PPP4R3B: variants seen among roughly 807,000 people sequenced by gnomAD.
PPP4R3B encodes the protein protein phosphatase 4 regulatory subunit 3B, also known as serine/threonine-protein phosphatase 4 regulatory subunit 3B.
PPP4R3B carries 52 observed loss-of-function variants against 95.4 expected under a neutral mutation model. The ratio of observed to expected loss-of-function variants is 0.54; its 90% CI spans 0.44 to 0.69. PPP4R3B has a LOEUF of 0.69. PPP4R3B is among the 30% of genes least tolerant of loss of function. PPP4R3B has a pLI of 0.00. For missense variants in PPP4R3B, 1,003 were observed against 1,005.9 expected, an observed-to-expected ratio of 1.00 and a Z score of 0.04; for synonymous variants, 407 against 343.9, an observed-to-expected ratio of 1.18 and a Z score of -2.03.
At position 55,548,724 on chromosome 2, in the gene PPP4R3B, G is replaced by T. The variant is rs1442869368; in HGVS notation, c.*1187C>A. 6.6e-6 allele frequency: 1 copy of T among 152,586 alleles called. No individual in the cohort carries two copies. Among genetic ancestry groups the T allele is most frequent in the Non-Finnish European group, 1.5e-5 (1 of 68,028 alleles). The allele number at this position is 152,586 out of a possible 1,614,324, so 9.5% of individuals were successfully genotyped here. On this transcript the variant is annotated 3_prime_UTR_variant, in exon 17 of 17. Transcript: ENST00000616407. ...CCAATGCATTAAATTGTATTTTGGG[G>T]AGATTTTTCTCACTTCGGCATGATC...
chr2:55,559,698 CA>C (rs1686346223), intron 15 of PPP4R3B, among the ~76,000 whole-genome samples: 1 of 152,192 alleles, frequency 6.6e-6, no homozygotes, highest in Non-Finnish European at 1.5e-5. Flanking sequence ...GAGGCCTCCC[CA>C]GCTATGTGGA....
At chr2:55,572,527 T>G (rs771326650) in intron 12 of PPP4R3B, among the ~76,000 whole-genome samples, 14 of 152,184 alleles carry the variant, frequency 9.2e-5, no homozygotes, top group Non-Finnish European at 1.8e-4. Flanking sequence ...AGATACCACA[T>G]TTTTCAGTAT....
chr2:55,598,771 T>G lies in PPP4R3B; in HGVS notation c.566A>C (p.Glu189Ala), dbSNP rs199813494. The change falls in exon 4 of 17, where the codon GAA becomes GCA. Residue 189 changes from glutamate (E) to alanine (A), a missense_variant. Transcript: ENST00000616407. ...AATTTCATACAAATGGTGTAAGCCT[T>G]CAGTGTTTTCTAGGTTCTCGCAAGC... ...FQACENLENT[E>A]GLHHLYEIIR... is the part of the protein sequence containing the mutation. The G allele has an allele frequency of 6.2e-7, 1 of 1,614,244 alleles. No individual in the cohort carries two copies. The highest frequency in any genetic ancestry group is 1.7e-5 in the Admixed American group (1 of 60,028).
At chr2:55,613,642 T>G (rs529008029) in intron 2 of PPP4R3B, among the ~76,000 whole-genome samples, 1 of 152,248 alleles carries the variant, frequency 6.6e-6, no homozygotes, top group African/African-American at 2.4e-5. Context: ...AATACAAACC[T>G]ACTCCATAAT....
At chr2:55,552,097 T>A (rs931253432) in intron 16 of PPP4R3B, among the ~76,000 whole-genome samples, 3 of 152,240 alleles carry the variant, frequency 2.0e-5, no homozygotes, top group African/African-American at 7.2e-5. Context: ...AACTCACTTA[T>A]ACAATTTGAG....
chr2:55,590,125 C>G (rs1690799817), intron 4 of PPP4R3B, among the ~76,000 whole-genome samples: 1 of 150,726 alleles, frequency 6.6e-6, no homozygotes, highest in African/African-American at 2.4e-5. Context: ...GTCGGAAGTT[C>G]CAGACCAGCT....
intron 12 of PPP4R3B, among the ~76,000 whole-genome samples, chr2:55,569,916 C>T (rs974020090): frequency 2.6e-5 from 4 of 152,130 alleles, no homozygotes; most frequent in African/African-American, 9.7e-5. Flanking sequence ...TGCCAGATGC[C>T]AATCACATAA....
rs1416426535 is a variant in PPP4R3B, at chr2:55,570,760, G to C, written c.1766-2397C>G. Among the ~76,000 whole-genome samples, 4 of 152,098 alleles carry C rather than the reference G, an allele frequency of 2.6e-5. No individual in the cohort carries two copies. The East Asian group carries it at 7.7e-4, about 29-fold the overall frequency. On this transcript the variant is annotated intron_variant, in intron 12 of 16. Coordinates refer to ENST00000616407, the MANE Select transcript of PPP4R3B (RefSeq NM_001122964.3). The stretch of plus-strand genomic sequence containing the variant: ...TTATCTGAGAATAAAACAGAAATAG[G>C]CCACATAAGGTATAAATGTTAACTG...
intron 5 of PPP4R3B, among the ~76,000 whole-genome samples, chr2:55,587,081 T>C (rs567917664): frequency 4.0e-4 from 61 of 152,328 alleles, no homozygotes; most frequent in African/African-American, 1.4e-3. Flanking sequence ...AATATGTTAT[T>C]AGAACATTTT....
At chr2:55,579,826 A>T in intron 8 of PPP4R3B, 45 bp from the exon 9 acceptor site, 1 of 1,273,458 alleles carries the variant, frequency 7.9e-7, no homozygotes, top group Non-Finnish European at 1.1e-6. Context: ...TTATGTAAAT[A>T]AAAACATCTT....
At chr2:55,590,230 G>C (rs1300544030) in intron 4 of PPP4R3B, among the ~76,000 whole-genome samples, 1 of 151,588 alleles carries the variant, frequency 6.6e-6, no homozygotes, top group Non-Finnish European at 1.5e-5. Flanking sequence ...GGGAGGCTGA[G>C]GCAGGAGAAT....
intron 15 of PPP4R3B, among the ~76,000 whole-genome samples, chr2:55,560,897 A>C (rs1013073712): frequency 6.6e-6 from 1 of 151,972 alleles, no homozygotes; most frequent in Non-Finnish European, 1.5e-5. Flanking sequence ...TTTAAAAGGG[A>C]GCAGAGCATA....
At chr2:55,577,257 T>TA (rs1340279544) in intron 11 of PPP4R3B, 58 bp downstream of exon 11, 19 of 1,506,414 alleles carry the variant, frequency 1.3e-5, no homozygotes, top group East Asian at 2.6e-5. Flanking sequence ...GCATTACACT[T>TA]AGAGTAGAAA....
intron 9 of PPP4R3B, among the ~76,000 whole-genome samples, chr2:55,578,833 A>G (rs142544156): frequency 8.1e-4 from 124 of 152,214 alleles, no homozygotes; most frequent in African/African-American, 2.8e-3. Context: ...ATTCTCAGAT[A>G]GTGGCTAATG....
At chr2:55,586,759 G>C (rs1363734516) in intron 5 of PPP4R3B, 25 bp from the exon 6 acceptor site, 10 of 1,405,296 alleles carry the variant, frequency 7.1e-6, no homozygotes, top group African/African-American at 1.4e-5. Flanking sequence ...ATTTTAGTGA[G>C]ACATTGATAA....
chr2:55,603,910 G>T, intron 3 of PPP4R3B, 68 bp downstream of exon 3: 1 of 1,158,238 alleles, frequency 8.6e-7, no homozygotes, highest in Non-Finnish European at 1.2e-6. Context: ...TATGTTTGAA[G>T]TAAAAAGGAA....
At chr2:55,576,562 G>T (rs1014184622) in intron 11 of PPP4R3B, among the ~76,000 whole-genome samples, 1 of 152,004 alleles carries the variant, frequency 6.6e-6, no homozygotes, top group African/African-American at 2.4e-5. Flanking sequence ...CTAACACGGT[G>T]AAACTCCGCC....
chr2:55,559,059 C>T lies in PPP4R3B; in HGVS notation c.2261-91G>A, dbSNP rs1216510061. On this transcript the variant is annotated intron_variant, in intron 15 of 16. Transcript: ENST00000616407. ...AGCAGTAATTAAAAAACTTATAAAA[C>T]ATTGCTGCCCGGGCATGGTGGCTCA... 3 of 1,051,942 alleles carry T rather than the reference C, an allele frequency of 2.9e-6. No individual in the cohort carries two copies. In the Admixed American group the frequency reaches 8.0e-5, roughly 28 times the overall value. 65.2% of individuals were successfully genotyped at this position (1,051,942 alleles called of 1,614,324 possible). A position where few individuals can be genotyped will look rare whatever the true frequency, so the allele number is the denominator to read the frequency against.
chr2:55,564,437 A>G lies in PPP4R3B; in HGVS notation c.2136T>C (p.Asp712=), dbSNP rs748504654. 6.2e-7 allele frequency: 1 copy of G among 1,613,506 alleles called. No homozygotes were observed. The highest frequency in any genetic ancestry group is 2.2e-5 in the East Asian group (1 of 44,798). Residue 712 remains aspartate (D), a synonymous_variant, in exon 15 of 17, where the codon GAT becomes GAC. Coordinates refer to ENST00000616407, the MANE Select transcript of PPP4R3B (RefSeq NM_001122964.3). ...FRRDAKALEE[D]EEMWFNEDEE... is the part of the protein sequence containing the mutation. Reference sequence around the variant, plus strand: ...CATCTTCATTAAACCACATTTCTTCATCCTCTTCCAAGGCTTTTGCATCTC... The same window carrying G: ...CATCTTCATTAAACCACATTTCTTCGTCCTCTTCCAAGGCTTTTGCATCTC...
Sources: allele counts gnomAD v4.1 joint callset (sites outside exome capture counted in the v4.1 genomes callset), GRCh38; gene constraint gnomAD v4.1.1; transcripts MANE v1.5; gene names NCBI Gene and HGNC (gene_info 2026-07-23, HGNC 2026-07-21).